The following CBLIF variants were observed in gnomAD, a reference collection of about 807,000 sequenced individuals.
CBLIF encodes cobalamin binding intrinsic factor.
CBLIF carries 24 observed loss-of-function variants against 44.9 expected under a neutral mutation model. The observed-to-expected ratio is 0.53, with a 90% CI of 0.39 to 0.75. The LOEUF is 0.75. Ranked by LOEUF, CBLIF falls within the 30% of genes least tolerant of loss-of-function variation. The pLI is 0.00. For synonymous variants in CBLIF, 183 were observed against 190.9 expected (o/e 0.96, Z 0.34); for missense variants, 481 against 513.0 (o/e 0.94, Z 0.60).
chr11:59,839,267 T>C (rs1202277830), intron 5 of CBLIF, among the ~76,000 whole-genome samples: 3 of 152,060 alleles, frequency 2.0e-5, no homozygotes, highest in Non-Finnish European at 4.4e-5. Context: ...CGTCTTTGGG[T>C]AGGGAAGAGT....
Position 59,845,333 on chromosome 11 carries a change from G to A in CBLIF, c.79+42C>T, listed in dbSNP as rs1483322435. On this transcript the variant is annotated intron_variant, in intron 1 of 8. Transcript: ENST00000257248. ...CAGAGGTCACAGCCCCTTCCCCAGG[G>A]CAACTGCTTCCCTGACCTCCTTGGA... is the stretch of plus-strand genomic sequence containing the variant. The A allele has an allele frequency of 8.1e-6, 13 of 1,608,192 alleles. No homozygotes were observed. The South Asian group carries it at 1.4e-4, about 18-fold the overall frequency.
intron 5 of CBLIF, chr11:59,840,929 A>T: frequency 9.1e-6 from 5 of 548,572 alleles, no homozygotes; most frequent in Non-Finnish European, 1.6e-5. Flanking sequence ...GTTCATATAG[A>T]TTTGTTTTCA....
At chr11:59,834,262 T>A (rs1201610042) in intron 7 of CBLIF, among the ~76,000 whole-genome samples, 2 of 117,932 alleles carry the variant, frequency 1.7e-5, no homozygotes, top group Admixed American at 9.1e-5. Flanking sequence ...CTTTCTTTCT[T>A]TCTTTCTTTC....
At chr11:59,837,440 CTAAT>C in intron 5 of CBLIF, 89 bp from the exon 6 acceptor site, 1 of 964,120 alleles carries the variant, frequency 1.0e-6, no homozygotes, top group Non-Finnish European at 1.7e-6. Context: ...AACTTGATCA[CTAAT>C]CATGGTGATC....
intron 8 of CBLIF, 114 bp from the exon 9 acceptor site, chr11:59,829,659 T>A (rs1232952202): frequency 1.4e-6 from 1 of 719,344 alleles, no homozygotes. Context: ...TTTAAAGGAG[T>A]AAAATCATCC....
At chr11:59,838,848 C>CTTTTTTTT (rs1217612334) in intron 5 of CBLIF, among the ~76,000 whole-genome samples, 15 of 130,536 alleles carry the variant, frequency 1.1e-4, no homozygotes, top group Non-Finnish European at 1.6e-4. Flanking sequence ...TTCTTTCTTT[C>CTTTTTTTT]TTTTTTTTTT....
Position 59,843,904 on chromosome 11 carries a change from G to A in CBLIF, c.231C>T (p.Tyr77=). 6.2e-7 allele frequency: 1 copy of A among 1,613,640 alleles called. No individual in the cohort carries two copies. The highest frequency in any genetic ancestry group is 8.5e-7 in the Non-Finnish European group (1 of 1,179,668). ...YNLKAQKLLT[Y]QLMSSDNNDL... Reference sequence around the variant, plus strand: ...CGTTGTTGTCGCTGGACATGAGCTGGTAAGTCAGGAGCTTCTGGGCCTTCA... The same window carrying A: ...CGTTGTTGTCGCTGGACATGAGCTGATAAGTCAGGAGCTTCTGGGCCTTCA... Residue 77 remains tyrosine, a synonymous_variant, in exon 2 of 9, where the codon TAC becomes TAT. Transcript: ENST00000257248.
intron 5 of CBLIF, among the ~76,000 whole-genome samples, chr11:59,837,660 G>A (rs907559271): frequency 6.6e-6 from 1 of 152,202 alleles, no homozygotes; most frequent in Admixed American, 6.5e-5. Context: ...GGGCTCCAGA[G>A]GGAGCTTTAG....
At chr11:59,834,300 CTTTCTTTCTTT>C (rs1866420953) in intron 7 of CBLIF, among the ~76,000 whole-genome samples, 2,391 of 118,836 alleles carry the variant, frequency 0.02, 14 homozygotes, top group Admixed American at 0.025. Context: ...TTCTTTCTTT[CTTTCTTTCTTT>C]CTTCCTTCCT....
chr11:59,842,087 T>C (rs1480329037), intron 4 of CBLIF, among the ~76,000 whole-genome samples: 4 of 152,070 alleles, frequency 2.6e-5, no homozygotes, highest in Non-Finnish European at 5.9e-5. Flanking sequence ...GCATCAGTAG[T>C]GATTAAAGAG....
Position 59,834,303 on chromosome 11 carries a change from T to TTCCTTC in CBLIF, c.1073+1504_1073+1505insGAAGGA, listed in dbSNP as rs1866421110. Among the ~76,000 whole-genome samples, 55 of 81,772 alleles carry TTCCTTC rather than the reference T, an allele frequency of 6.7e-4. 1 individual carries two copies. Among genetic ancestry groups the TTCCTTC allele is most frequent in the African/African-American group, 2.7e-3 (47 of 17,696 alleles). 53.6% of individuals were successfully genotyped at this position (81,772 alleles called of 152,430 possible). A position where few individuals can be genotyped will look rare whatever the true frequency, so the allele number is the denominator to read the frequency against. On this transcript the variant is annotated intron_variant, in intron 7 of 8. Coordinates refer to ENST00000257248, the MANE Select transcript of CBLIF (RefSeq NM_005142.3). Reference sequence around the variant, plus strand: ...TTCTTTCTTTCTTTCTTTCTTTCTTTCTTTCTTTCTTCCTTCCTTCCTTCC... The same window carrying TTCCTTC: ...TTCTTTCTTTCTTTCTTTCTTTCTTTTCCTTCCTTTCTTTCTTCCTTCCTTCCTTCC...
At chr11:59,837,052 A>T (rs1866464723) in intron 6 of CBLIF, 122 bp downstream of exon 6, 2 of 801,338 alleles carry the variant, frequency 2.5e-6, no homozygotes, top group South Asian at 2.9e-5. Context: ...TGGGAGTCAG[A>T]TGTACTCTGC....
chr11:59,839,716 G>A (rs142046768), intron 5 of CBLIF, among the ~76,000 whole-genome samples: 194 of 152,240 alleles, frequency 1.3e-3, no homozygotes, highest in Middle Eastern at 3.4e-3. Context: ...GTGGTATTTG[G>A]ATGTAGACAG....
chr11:59,845,076 TG>T (rs1477191593), intron 1 of CBLIF, among the ~76,000 whole-genome samples: 2 of 152,054 alleles, frequency 1.3e-5, no homozygotes, highest in African/African-American at 4.8e-5. Context: ...TTGCCCAGGC[TG>T]GTCTTGAACT....
chr11:59,841,812 G>T (rs1019329916), intron 4 of CBLIF, among the ~76,000 whole-genome samples: 4 of 152,162 alleles, frequency 2.6e-5, no homozygotes, highest in African/African-American at 9.7e-5. Context: ...GAGGAGAAAA[G>T]GTGATCATGA....
At position 59,834,244 on chromosome 11, in the gene CBLIF, CTTT is replaced by C. The variant is rs1565207362; in HGVS notation, c.1073+1561_1073+1563del. ...TCTGTTTCTTTCTTTCTTTCTTTTT[CTTT>C]CTTTCTTTCTTTCTTTCTTTCTTTC... is the stretch of plus-strand genomic sequence containing the variant. On this transcript the variant is annotated intron_variant, in intron 7 of 8. Transcript: ENST00000257248. Among the ~76,000 whole-genome samples, 33 of 77,788 alleles carry C rather than the reference CTTT, an allele frequency of 4.2e-4. 1 individual carries two copies. Among genetic ancestry groups the C allele is most frequent in the African/African-American group, 1.6e-3 (33 of 20,138 alleles). The allele number at this position is 77,788 out of a possible 152,430, so 51.0% of individuals were successfully genotyped here.
chr11:59,837,440 C>T (rs976550732), intron 5 of CBLIF, 89 bp from the exon 6 acceptor site: 4 of 964,004 alleles, frequency 4.1e-6, no homozygotes, highest in East Asian at 2.5e-5. Flanking sequence ...AACTTGATCA[C>T]TAATCATGGT....
intron 3 of CBLIF, 36 bp downstream of exon 3, chr11:59,842,992 T>A (rs1478915029): frequency 1.6e-6 from 2 of 1,261,864 alleles, no homozygotes; most frequent in South Asian, 1.2e-5. Flanking sequence ...TAAAACCATA[T>A]GCCTGACTCT....
intron 8 of CBLIF, among the ~76,000 whole-genome samples, chr11:59,830,015 A>ATCTT (rs1349672934): frequency 6.6e-6 from 1 of 152,176 alleles, no homozygotes; most frequent in African/African-American, 2.4e-5. Context: ...AAGACATAAG[A>ATCTT]AAGAGCAGTG....
Sources: gnomAD v4.1 joint callset for allele counts (sites outside exome capture counted in the v4.1 genomes callset) on GRCh38, gnomAD v4.1.1 for gene constraint, MANE v1.5 for transcripts, NCBI Gene and HGNC (gene_info 2026-07-23, HGNC 2026-07-21) for gene names.